The following SSX1 variants were observed in gnomAD, a reference collection of about 807,000 sequenced individuals.
SSX1 encodes the protein SSX family member 1, also known as protein SSX1.
A neutral mutation model predicts 14.6 loss-of-function variants in SSX1; 58 were observed. The observed-to-expected ratio is 3.96, with a 90% CI of 3.21 to 4.93. The LOEUF (loss-of-function observed/expected upper bound fraction) is 4.93, where lower values mean the gene tolerates loss of function less well. Ranked by LOEUF, SSX1 falls within the 30% of genes most tolerant of loss-of-function variation. The pLI is 0.00. For missense variants in SSX1, 272 were observed against 143.1 expected (o/e 1.90, Z -4.60); for synonymous variants, 46 against 52.1 (o/e 0.88, Z 0.50).
chrX:48,266,823 C>A, intron 7 of SSX1, 31 bp from the exon 8 acceptor site: 1 of 937,159 alleles, frequency 1.1e-6, no homozygotes, highest in Non-Finnish European at 1.5e-6. Context: ...AACTCGCTGT[C>A]ACTTACTTTC....
At chrX:48,257,570 A>G (rs1355473616) in intron 2 of SSX1, 176 bp from the exon 3 acceptor site, 4 of 750,272 alleles carry the variant, frequency 5.3e-6, no homozygotes, top group Non-Finnish European at 6.3e-6. Context: ...TAAAGCCCTA[A>G]TGTGTGCCAC....
intron 6 of SSX1, 60 bp from the exon 7 acceptor site, chrX:48,266,227 A>C: frequency 8.3e-7 from 1 of 1,204,764 alleles, no homozygotes; most frequent in Non-Finnish European, 1.1e-6. Flanking sequence ...TTTTGAGAAA[A>C]CAGAGCCTAA....
At chrX:48,264,120 G>A (rs2059615049) in intron 6 of SSX1, among the ~76,000 whole-genome samples, 1 of 111,754 alleles carries the variant, frequency 8.9e-6, no homozygotes, top group Admixed American at 9.5e-5. Context: ...ACGTGACTTG[G>A]GACAAGTCTT....
Position 48,263,886 on chromosome X carries a change from A to G in SSX1, c.435A>G (p.Ala145=). 1 of 1,211,624 alleles carries G rather than the reference A, an allele frequency of 8.3e-7. No individual in the cohort carries two copies. The highest frequency in any genetic ancestry group is 1.1e-6 in the Non-Finnish European group (1 of 895,445). The change falls in exon 6 of 8, where the codon GCA becomes GCG. Residue 145 remains alanine, a synonymous_variant. Transcript: ENST00000376919. ...AACAACTGCACCCCCCAGGAAAAGCAAATATTTCTGAGAAGATTAATAAGA... is the reference window on the plus strand; with the variant it reads ...AACAACTGCACCCCCCAGGAAAAGCGAATATTTCTGAGAAGATTAATAAGA... ...DGKQLHPPGK[A]NISEKINKRS...
Position 48,266,281 on chromosome X carries a change from T to G in SSX1, c.467-6T>G, listed in dbSNP as rs1556936400. 11 of 1,207,730 alleles carry G rather than the reference T, an allele frequency of 9.1e-6. No individual in the cohort carries two copies. The South Asian group carries it at 1.8e-4, about 19-fold the overall frequency. The stretch of plus-strand genomic sequence containing the variant: ...ACCCTCATCTTCCAACTCTTCTCCA[T>G]CATAGGACCCAAAAGGGGGAAACAT... On this transcript the variant is annotated splice_region_variant and splice_polypyrimidine_tract_variant and intron_variant, in intron 6 of 7. Coordinates refer to ENST00000376919, the MANE Select transcript of SSX1 (RefSeq NM_005635.4).
chrX:48,256,357 A>G (rs2059581259), intron 1 of SSX1, among the ~76,000 whole-genome samples: 1 of 105,007 alleles, frequency 9.5e-6, no homozygotes, highest in African/African-American at 3.5e-5. Flanking sequence ...CTAGGCTGGT[A>G]TCAACCTCGT....
At chrX:48,266,143 C>T in intron 6 of SSX1, 144 bp from the exon 7 acceptor site, 1 of 1,022,216 alleles carries the variant, frequency 9.8e-7, no homozygotes, top group South Asian at 2.2e-5. Flanking sequence ...GCCTCAGCCT[C>T]TCTAAGCCAG....
At chrX:48,263,002 C>T (rs1355612368) in intron 5 of SSX1, among the ~76,000 whole-genome samples, 2 of 110,420 alleles carry the variant, frequency 1.8e-5, no homozygotes, top group African/African-American at 6.6e-5. Context: ...GGCGTGGTAG[C>T]GCCTGCCTGT....
rs1462886476 is a variant in SSX1, at chrX:48,267,240, C to T, written c.*391C>T. On this transcript the variant is annotated 3_prime_UTR_variant, in exon 8 of 8. Coordinates refer to ENST00000376919, the MANE Select transcript of SSX1 (RefSeq NM_005635.4). ...GCAGTTCTGAGTGTTTAATTTCAGA[C>T]TTTTTCCTCTGCATTTACACACACA... 4.8e-5 allele frequency: 13 copies of T among 272,030 alleles called. No homozygotes were observed. Among genetic ancestry groups the T allele is most frequent in the Non-Finnish European group, 7.1e-5 (11 of 154,881 alleles). The allele number at this position is 272,030 out of a possible 1,213,427, so 22.4% of individuals were successfully genotyped here.
chrX:48,267,174 A>T lies in SSX1; in HGVS notation c.*325A>T. The T allele has an allele frequency of 3.0e-6, 1 of 338,814 alleles. No homozygotes were observed. Among genetic ancestry groups the T allele is most frequent in the Non-Finnish European group, 5.3e-6 (1 of 188,484 alleles). 27.9% of individuals were successfully genotyped at this position (338,814 alleles called of 1,213,427 possible). A position where few individuals can be genotyped will look rare whatever the true frequency, so the allele number is the denominator to read the frequency against. On this transcript the variant is annotated 3_prime_UTR_variant, in exon 8 of 8. Coordinates refer to ENST00000376919, the MANE Select transcript of SSX1 (RefSeq NM_005635.4). ...TATTGTCAGGTATTCTCTCCATAGA[A>T]CAGCACTATCCTCATCTCTCCCCAG...
In SSX1 at chrX:48,257,744, A is replaced by G. The variant is rs782264223; in HGVS notation, c.70-2A>G. 1 of 1,192,353 alleles carries G rather than the reference A, an allele frequency of 8.4e-7. No homozygotes were observed. The highest frequency in any genetic ancestry group is 2.2e-5 in the Admixed American group (1 of 44,509). On this transcript the variant is annotated splice_acceptor_variant, in intron 2 of 7. Transcript: ENST00000376919. LOFTEE classifies it high-confidence loss of function. ...TGACAAATTTTATTTTATTTTTTTT[A>G]GGCCTTTGATGATATTGCCACATAC...
chrX:48,257,089 G>T lies in SSX1; in HGVS notation c.-20-133G>T, dbSNP rs1384984588. ...ACTTCTCTCCATGTCCTTACCCATG[G>T]ACAGGTAAGCCCCGAATGGAGAAAT... On this transcript the variant is annotated intron_variant, in intron 1 of 7. Transcript: ENST00000376919. 9.4e-6 allele frequency: 5 copies of T among 534,078 alleles called. No homozygotes were observed. The African/African-American group carries it at 1.2e-4, about 12-fold the overall frequency. 44.0% of individuals were successfully genotyped at this position (534,078 alleles called of 1,213,427 possible).
chrX:48,264,384 T>C (rs1169022636), intron 6 of SSX1, among the ~76,000 whole-genome samples: 1 of 112,534 alleles, frequency 8.9e-6, no homozygotes, highest in African/African-American at 3.2e-5. Flanking sequence ...CACATTGTTT[T>C]TCGTTTGTTT....
intron 7 of SSX1, 114 bp from the exon 8 acceptor site, chrX:48,266,740 G>A: frequency 7.2e-6 from 4 of 552,715 alleles, no homozygotes; most frequent in Non-Finnish European, 9.0e-6. Flanking sequence ...TCCAGGTCCT[G>A]GGGTAGGGCA....
chrX:48,257,432 C>T, intron 2 of SSX1, 122 bp downstream of exon 2: 1 of 1,165,703 alleles, frequency 8.6e-7, no homozygotes, highest in Non-Finnish European at 1.1e-6. Flanking sequence ...GAGATCTGGA[C>T]CCTTGGGAGC....
At chrX:48,261,492 T>A (rs1465370779) in intron 4 of SSX1, among the ~76,000 whole-genome samples, 7 of 112,207 alleles carry the variant, frequency 6.2e-5, no homozygotes, top group African/African-American at 2.3e-4. Flanking sequence ...TTTAATTATT[T>A]GGGAAAAAGT....
At chrX:48,263,313 C>A (rs1225417431) in intron 5 of SSX1, among the ~76,000 whole-genome samples, 1 of 110,075 alleles carries the variant, frequency 9.1e-6, no homozygotes, top group African/African-American at 3.3e-5. Flanking sequence ...CATTTCTTTA[C>A]CTCTCCCTTC....
intron 6 of SSX1, among the ~76,000 whole-genome samples, chrX:48,264,361 A>G (rs2059616142): frequency 8.9e-6 from 1 of 112,492 alleles, no homozygotes; most frequent in South Asian, 3.7e-4. Flanking sequence ...GCACTGCAAT[A>G]AAGTGAGTCA....
rs1569452080 is a variant in SSX1, at chrX:48,263,898, GAA to G, written c.448_449del (p.Lys150AspfsTer2). 8.3e-7 allele frequency: 1 copy of G among 1,211,289 alleles called. No individual in the cohort carries two copies. The highest frequency in any genetic ancestry group is 1.7e-5 in the African/African-American group (1 of 57,794). ...CCCCAGGAAAAGCAAATATTTCTGA[GAA>G]GATTAATAAGAGATCTGGTAAGAGG... ...HPPGKANISE[K>X]INKRSGPKRG... On this transcript the variant is annotated frameshift_variant, in exon 6 of 8. Transcript: ENST00000376919. LOFTEE classifies it high-confidence loss of function.
Sources: gnomAD v4.1 joint callset for allele counts (sites outside exome capture counted in the v4.1 genomes callset) on GRCh38, gnomAD v4.1.1 for gene constraint, MANE v1.5 for transcripts, NCBI Gene and HGNC (gene_info 2026-07-23, HGNC 2026-07-21) for gene names.